Variants in SOS2 observed in about 807,000 individuals in gnomAD.
SOS2 encodes son of sevenless homolog 2.
Under a neutral mutation model 148.2 loss-of-function variants are expected in SOS2, and 65 were observed. The ratio of observed to expected loss-of-function variants is 0.44; its 90% CI spans 0.36 to 0.54. SOS2 has a LOEUF of 0.54. Among genes scored for constraint, SOS2 ranks in the 20% least tolerant of loss-of-function variants. The pLI is 0.00. For synonymous variants in SOS2, 539 were observed against 537.1 expected, an observed-to-expected ratio of 1.00 and a Z score of -0.05; for missense variants, 1,341 against 1,590.2, an observed-to-expected ratio of 0.84 and a Z score of 2.67.
intron 7 of SOS2, among the ~76,000 whole-genome samples, chr14:50,178,666 GTGTGCATATA>G (rs1273086602): frequency 3.3e-4 from 23 of 70,070 alleles, no homozygotes; most frequent in African/African-American, 9.7e-4. Flanking sequence ...GTGTGTGTGT[GTGTGCATATA>G]TATATATATA....
intron 1 of SOS2, among the ~76,000 whole-genome samples, chr14:50,210,760 T>C (rs910665232): frequency 3.3e-5 from 5 of 151,866 alleles, no homozygotes; most frequent in Non-Finnish European, 5.9e-5. Flanking sequence ...CACAAAAGAA[T>C]AAATTCAAAT....
Position 50,118,489 on chromosome 14 carries a change from G to C in SOS2, c.3854C>G (p.Ala1285Gly), listed in dbSNP as rs1488835771. ...TGGAACAGGGGGAGCTGGAGGATGA[G>C]CAAGATTATTCTGACTAGAACTGAG... Reference protein sequence around the residue: ...YVLSSSQNNLAHPPAPPVPPR... With the variant: ...YVLSSSQNNLGHPPAPPVPPR... The change falls in exon 23 of 23, where the codon GCT (alanine) becomes GGT (glycine). Residue 1285 changes from alanine to glycine, a missense_variant. Physicochemically the swap from Ala to Gly is moderately conservative, Grantham distance 60. Transcript: ENST00000216373. The C allele has an allele frequency of 6.2e-7, 1 of 1,614,124 alleles. No homozygotes were observed. Among genetic ancestry groups the C allele is most frequent in the East Asian group, 2.2e-5 (1 of 44,888 alleles).
Position 50,149,994 on chromosome 14 carries a change from CATTA to C in SOS2, c.2384+10_2384+13del, listed in dbSNP as rs758774072. 2.1e-5 allele frequency: 31 copies of C among 1,492,644 alleles called. 1 individual carries two copies. The highest frequency in any genetic ancestry group is 1.5e-4 in the South Asian group (13 of 88,378). 92.5% of individuals were successfully genotyped at this position (1,492,644 alleles called of 1,614,324 possible). A position where few individuals can be genotyped will look rare whatever the true frequency, so the allele number is the denominator to read the frequency against. ...TCTTAAAAATAAAGCAAGACATTAA[CATTA>C]ATTGTCTACCTGTAAAGATCAGACT... On this transcript the variant is annotated intron_variant, in intron 14 of 22. Coordinates refer to ENST00000216373, the MANE Select transcript of SOS2 (RefSeq NM_006939.4).
chr14:50,167,239 C>T (rs1885196992), intron 8 of SOS2, among the ~76,000 whole-genome samples: 1 of 152,020 alleles, frequency 6.6e-6, no homozygotes, highest in East Asian at 1.9e-4. Context: ...TCTTTATGGT[C>T]TTTTTTAAGA....
At chr14:50,138,589 A>T (rs1594964877) in intron 18 of SOS2, 23 bp downstream of exon 18, 1 of 1,348,482 alleles carries the variant, frequency 7.4e-7, no homozygotes, top group African/African-American at 1.5e-5. Flanking sequence ...TCTCTTCTAA[A>T]GATATGCAAA....
intron 1 of SOS2, chr14:50,215,544 T>C: frequency 2.7e-6 from 3 of 1,107,210 alleles, no homozygotes; most frequent in South Asian, 1.6e-5. Flanking sequence ...TCTTTAACAG[T>C]AGATTAACAA....
chr14:50,210,871 A>C (rs1886847895), intron 1 of SOS2, among the ~76,000 whole-genome samples: 1 of 152,150 alleles, frequency 6.6e-6, no homozygotes, highest in Admixed American at 6.5e-5. Context: ...AGCAAAACTA[A>C]AAATTCTGAT....
At position 50,226,445 on chromosome 14, in the gene SOS2, A is replaced by G. The variant is rs150368596; in HGVS notation, c.87+4752T>C. The stretch of plus-strand genomic sequence containing the variant: ...AAACAAACTTCCAAGAGACATTTGT[A>G]CAAACGCAGAAACACTAGGATCTCA... On this transcript the variant is annotated intron_variant, in intron 1 of 22. Coordinates refer to ENST00000216373, the MANE Select transcript of SOS2 (RefSeq NM_006939.4). 2.4e-3 allele frequency among the ~76,000 whole-genome samples: 369 copies of G among 152,350 alleles called. 2 individuals carry two copies. In the Middle Eastern group the frequency reaches 0.061, roughly 25 times the overall value.
chr14:50,123,443 G>A (rs1883587687), intron 21 of SOS2, among the ~76,000 whole-genome samples: 1 of 140,126 alleles, frequency 7.1e-6, no homozygotes, highest in Non-Finnish European at 1.5e-5. Context: ...GAGCAGTGGT[G>A]TGATCTCAGC....
intron 12 of SOS2, among the ~76,000 whole-genome samples, chr14:50,154,058 T>TGGAAA (rs1221822362): frequency 1.4e-5 from 2 of 146,392 alleles, no homozygotes; most frequent in Non-Finnish European, 3.0e-5. Context: ...ACTATGCAAA[T>TGGAAA]GGAAAGGAAA....
Position 50,212,367 on chromosome 14 carries a change from GGGAGGCTGAGGCA to G in SOS2, c.88-7971_88-7959del, listed in dbSNP as rs551250893. Reference sequence around the variant, plus strand: ...TGCACACCTGTAGTCCCAGCTACTCGGGAGGCTGAGGCAGGAGAATCGCTTGAACCCAGGAGGC... The same window carrying G: ...TGCACACCTGTAGTCCCAGCTACTCGGGAGAATCGCTTGAACCCAGGAGGC... On this transcript the variant is annotated intron_variant, in intron 1 of 22. Coordinates refer to ENST00000216373, the MANE Select transcript of SOS2 (RefSeq NM_006939.4). 4.0e-3 allele frequency among the ~76,000 whole-genome samples: 608 copies of G among 152,282 alleles called. 2 individuals carry two copies. The highest frequency in any genetic ancestry group is 0.014 in the African/African-American group (567 of 41,562).
At position 50,175,709 on chromosome 14, in the gene SOS2, T is replaced by C. The variant is rs560822916; in HGVS notation, c.970-1157A>G. Among the ~76,000 whole-genome samples, 3 of 152,276 alleles carry C rather than the reference T, an allele frequency of 2.0e-5. No homozygotes were observed. In the South Asian group the frequency reaches 6.2e-4, roughly 32 times the overall value. On this transcript the variant is annotated intron_variant, in intron 7 of 22. Transcript: ENST00000216373. ...ATAAATGGTTTTCTAAAATTTATAA[T>C]GGATTTAACTCATGTTAATTTTAAA...
chr14:50,128,600 T>A (rs1406502232), intron 21 of SOS2, among the ~76,000 whole-genome samples: 1 of 152,196 alleles, frequency 6.6e-6, no homozygotes, highest in Non-Finnish European at 1.5e-5. Context: ...CAGTAAACAT[T>A]GTCTAAAATT....
chr14:50,131,136 T>A (rs1277839928), intron 19 of SOS2, among the ~76,000 whole-genome samples: 1 of 151,906 alleles, frequency 6.6e-6, no homozygotes, highest in Non-Finnish European at 1.5e-5. Context: ...GCTATATGCT[T>A]CAGAAAAAAA....
intron 5 of SOS2, among the ~76,000 whole-genome samples, chr14:50,187,138 G>A (rs1345974760): frequency 1.3e-5 from 2 of 151,802 alleles, no homozygotes; most frequent in Non-Finnish European, 2.9e-5. Context: ...AGCCTCCCCA[G>A]CAGCTGGGAT....
In SOS2 at chr14:50,138,789, T is replaced by TAA. The variant is rs201957103; in HGVS notation, c.2786-7_2786-6dup. The TAA allele has an allele frequency of 2.4e-3, 1,467 of 621,286 alleles. No individual in the cohort carries two copies. The highest frequency in any genetic ancestry group is 6.5e-3 in the African/African-American group (328 of 50,260). 38.5% of individuals were successfully genotyped at this position (621,286 alleles called of 1,614,324 possible). A position where few individuals can be genotyped will look rare whatever the true frequency, so the allele number is the denominator to read the frequency against. ...GAATATTTGTTAAATATATTCCTAG[T>TAA]AAAAAAAAAAAAAGAATTTAAAGAA... On this transcript the variant is annotated splice_polypyrimidine_tract_variant and splice_region_variant and intron_variant, in intron 17 of 22. Transcript: ENST00000216373.
intron 1 of SOS2, among the ~76,000 whole-genome samples, chr14:50,206,712 T>C (rs1886668706): frequency 6.6e-6 from 1 of 152,214 alleles, no homozygotes; most frequent in Non-Finnish European, 1.5e-5. Flanking sequence ...TAGAAGCAAA[T>C]TTCTTTAATT....
At chr14:50,217,695 G>C (rs942634839) in intron 1 of SOS2, among the ~76,000 whole-genome samples, 2 of 152,150 alleles carry the variant, frequency 1.3e-5, no homozygotes, top group African/African-American at 4.8e-5. Context: ...GGTGGCTCAC[G>C]CCTGTAATCC....
chr14:50,222,397 G>A (rs1206803645), intron 1 of SOS2, among the ~76,000 whole-genome samples: 1 of 152,180 alleles, frequency 6.6e-6, no homozygotes, highest in Non-Finnish European at 1.5e-5. Context: ...GGGGAAGAAT[G>A]ATGACTAGGT....
Sources: gnomAD v4.1 joint callset for allele counts (sites outside exome capture counted in the v4.1 genomes callset) on GRCh38, gnomAD v4.1.1 for gene constraint, MANE v1.5 for transcripts, NCBI Gene and HGNC (gene_info 2026-07-23, HGNC 2026-07-21) for gene names.